The following RCHY1 variants were observed in gnomAD, a reference collection of about 807,000 sequenced individuals.
RCHY1 encodes RING finger and CHY zinc finger domain-containing protein 1.
Under a neutral mutation model 41.6 loss-of-function variants are expected in RCHY1, and 21 were observed. The ratio of observed to expected loss-of-function variants is 0.51; its 90% CI spans 0.36 to 0.73. RCHY1 has a LOEUF of 0.73. Ranked by LOEUF, RCHY1 falls within the 30% of genes least tolerant of loss-of-function variation. RCHY1 has a pLI of 0.00. For missense variants in RCHY1, 265 were observed against 325.3 expected, an observed-to-expected ratio of 0.81 and a Z score of 1.43; for synonymous variants, 79 against 102.9, an observed-to-expected ratio of 0.77 and a Z score of 1.41.
intron 4 of RCHY1, 85 bp downstream of exon 4, chr4:75,494,016 A>G: frequency 2.6e-6 from 2 of 769,172 alleles, no homozygotes; most frequent in Non-Finnish European, 2.1e-6. Flanking sequence ...CATGAAAATT[A>G]GCATGCTTCC....
chr4:75,492,000 T>G, intron 4 of RCHY1, 67 bp from the exon 5 acceptor site: 1 of 1,237,602 alleles, frequency 8.1e-7, no homozygotes. Flanking sequence ...ATAAAAATAT[T>G]AATAATAAAA....
At chr4:75,510,814 C>A (rs1325939621) in intron 1 of RCHY1, among the ~76,000 whole-genome samples, 1 of 152,096 alleles carries the variant, frequency 6.6e-6, no homozygotes, top group Non-Finnish European at 1.5e-5. Flanking sequence ...ACATAAATAA[C>A]ATGTTTTAAT....
At chr4:75,512,451 C>T (rs1440006425) in intron 1 of RCHY1, among the ~76,000 whole-genome samples, 1 of 152,088 alleles carries the variant, frequency 6.6e-6, no homozygotes, top group East Asian at 1.9e-4. Context: ...GTTTCTAAGG[C>T]CAACTCCTTC....
intron 8 of RCHY1, among the ~76,000 whole-genome samples, chr4:75,489,279 A>C (rs1722532684): frequency 6.6e-6 from 1 of 152,160 alleles, no homozygotes; most frequent in African/African-American, 2.4e-5. Context: ...TGGGCCATTT[A>C]AGTATTTATA....
chr4:75,496,194 T>C (rs1174632663), intron 3 of RCHY1, among the ~76,000 whole-genome samples: 1 of 152,032 alleles, frequency 6.6e-6, no homozygotes, highest in African/African-American at 2.4e-5. Context: ...AGACAGAATA[T>C]ATGAAACAGC....
At chr4:75,513,715 T>A (rs989475714) in intron 1 of RCHY1, among the ~76,000 whole-genome samples, 6 of 152,212 alleles carry the variant, frequency 3.9e-5, no homozygotes, top group Admixed American at 1.3e-4. Flanking sequence ...TGTCTTCTTT[T>A]TTGGGACACA....
At position 75,502,916 on chromosome 4, in the gene RCHY1, C is replaced by T. The variant is rs149965939; in HGVS notation, c.326+5904G>A. On this transcript the variant is annotated intron_variant, in intron 3 of 8. Transcript: ENST00000324439. ...AAGGCATTAAAGAGTCCGCAGATAC[C>T]TTCTTTGTAGTTTTCCTTGAACACA... Among the ~76,000 whole-genome samples, 215 of 152,000 alleles carry T rather than the reference C, an allele frequency of 1.4e-3. 3 individuals are homozygous for T. Among genetic ancestry groups the T allele is most frequent in the East Asian group, 2.7e-3 (14 of 5,170 alleles).
chr4:75,487,569 T>TATATATTCATA (rs1722191177), intron 8 of RCHY1, among the ~76,000 whole-genome samples: 1 of 90,376 alleles, frequency 1.1e-5, no homozygotes, highest in South Asian at 3.0e-4. Context: ...ATTCATAATA[T>TATATATTCATA]ATATATTCAT....
Position 75,508,881 on chromosome 4 carries a change from T to C in RCHY1, c.265A>G (p.Ile89Val). The C allele has an allele frequency of 6.2e-7, 1 of 1,611,930 alleles. No homozygotes were observed. The highest frequency in any genetic ancestry group is 8.5e-7 in the Non-Finnish European group (1 of 1,179,124). Residue 89 changes from isoleucine (I) to valine (V), a missense_variant, in exon 3 of 9, where the codon ATA (isoleucine) becomes GTA (valine). Physicochemically the swap from Ile to Val is conservative, Grantham distance 29 (BLOSUM62 3). Transcript: ENST00000324439. ...TTATCTTTGTCAAACAAATGGCATA[T>C]ATCGCAATAATATTCTCCAAACAAT... ...STLFGEYYCD[I>V]CHLFDKDKKQ... is the part of the protein sequence containing the mutation.
intron 3 of RCHY1, among the ~76,000 whole-genome samples, chr4:75,499,587 CCA>C (rs1723549008): frequency 6.6e-6 from 1 of 152,094 alleles, no homozygotes; most frequent in South Asian, 2.1e-4. Context: ...TATTACTCAG[CCA>C]TTAAAAAGAA....
intron 8 of RCHY1, among the ~76,000 whole-genome samples, chr4:75,483,786 C>T (rs1004102479): frequency 2.6e-5 from 4 of 152,048 alleles, no homozygotes; most frequent in Non-Finnish European, 4.4e-5. Context: ...GGCTTTGCTA[C>T]GTGGTTTTTA....
chr4:75,491,199 A>G (rs1044835826), intron 7 of RCHY1: 1 of 162,042 alleles, frequency 6.2e-6, no homozygotes, highest in African/African-American at 2.4e-5. Context: ...TATCTTTTCC[A>G]TTAATAAAGT....
At chr4:75,487,599 ATT>A in intron 8 of RCHY1, among the ~76,000 whole-genome samples, 1 of 63,684 alleles carries the variant, frequency 1.6e-5, no homozygotes, top group Non-Finnish European at 2.5e-5. Context: ...CATAATATAT[ATT>A]CATATATATT....
intron 8 of RCHY1, among the ~76,000 whole-genome samples, chr4:75,487,644 T>TAATATATATATTCAC (rs562804202): frequency 2.0e-5 from 1 of 50,574 alleles, no homozygotes; most frequent in East Asian, 4.7e-4. Flanking sequence ...TATATATTCA[T>TAATATATATATTCAC]ATATATTCAT....
chr4:75,512,343 T>C (rs1356249628), intron 1 of RCHY1, among the ~76,000 whole-genome samples: 1 of 152,230 alleles, frequency 6.6e-6, no homozygotes, highest in South Asian at 2.1e-4. Flanking sequence ...TACTTCCTGC[T>C]GACAGGCCTG....
chr4:75,508,512 C>G (rs1021665343), intron 3 of RCHY1, among the ~76,000 whole-genome samples: 1 of 151,680 alleles, frequency 6.6e-6, no homozygotes, highest in African/African-American at 2.4e-5. Flanking sequence ...CCTCAGTTGC[C>G]CATAAAACAC....
chr4:75,501,269 A>G (rs928592229), intron 3 of RCHY1, among the ~76,000 whole-genome samples: 1 of 152,220 alleles, frequency 6.6e-6, no homozygotes, highest in African/African-American at 2.4e-5. Flanking sequence ...TTGGCCTCCC[A>G]AAGTGCTAGG....
chr4:75,484,932 C>T (rs1199075517), intron 8 of RCHY1, among the ~76,000 whole-genome samples: 1 of 151,612 alleles, frequency 6.6e-6, no homozygotes, highest in African/African-American at 2.4e-5. Context: ...CTAAGAATGC[C>T]TATTGAGTGA....
At chr4:75,505,325 G>A (rs940867251) in intron 3 of RCHY1, among the ~76,000 whole-genome samples, 3 of 152,140 alleles carry the variant, frequency 2.0e-5, no homozygotes, top group Non-Finnish European at 4.4e-5. Context: ...CGCACCCCAA[G>A]CACTGGGGAC....
Sources: gnomAD v4.1 joint callset for allele counts (sites outside exome capture counted in the v4.1 genomes callset) on GRCh38, gnomAD v4.1.1 for gene constraint, MANE v1.5 for transcripts, NCBI Gene and HGNC (gene_info 2026-07-23, HGNC 2026-07-21) for gene names.